The following TPD52 variants were observed in gnomAD, a reference collection of about 807,000 sequenced individuals.
TPD52 encodes the protein prostate and colon associated protein.
TPD52 carries 17 observed loss-of-function variants against 31.3 expected under a neutral mutation model. The observed-to-expected ratio is 0.54, with a 90% confidence interval of 0.37 to 0.82. The LOEUF (loss-of-function observed/expected upper bound fraction) is 0.82, where lower values mean the gene tolerates loss of function less well. Ranked by LOEUF, TPD52 falls within the 40% of genes least tolerant of loss-of-function variation. The pLI, the probability that TPD52 is intolerant of heterozygous loss-of-function variation, is 0.00. For synonymous variants in TPD52, 83 were observed against 89.6 expected, an observed-to-expected ratio of 0.93 and a Z score of 0.42; for missense variants, 212 against 240.1, an observed-to-expected ratio of 0.88 and a Z score of 0.77.
chr8:80,142,298 C>CTGTA (rs1809885590), intron 1 of TPD52, among the ~76,000 whole-genome samples: 3 of 152,130 alleles, frequency 2.0e-5, no homozygotes, highest in Non-Finnish European at 4.4e-5. Flanking sequence ...TCTCATCTAC[C>CTGTA]CCGTACCTGT....
intron 1 of TPD52, among the ~76,000 whole-genome samples, chr8:80,097,850 G>T (rs779358980): frequency 6.6e-6 from 1 of 152,228 alleles, no homozygotes; most frequent in Non-Finnish European, 1.5e-5. Flanking sequence ...AAGTTAGAGA[G>T]GAGAAGTCAA....
intron 1 of TPD52, among the ~76,000 whole-genome samples, chr8:80,165,953 T>C (rs1385131898): frequency 6.6e-6 from 1 of 152,160 alleles, no homozygotes; most frequent in East Asian, 1.9e-4. Context: ...GGGAACAAGT[T>C]AAATATTGTC....
downstream of TPD52, among the ~76,000 whole-genome samples, chr8:80,033,882 T>C (rs1431353384): frequency 2.6e-5 from 4 of 152,096 alleles, no homozygotes; most frequent in East Asian, 1.9e-4. Flanking sequence ...AATGCATTAA[T>C]AGAGTTCTCG....
intron 1 of TPD52, among the ~76,000 whole-genome samples, chr8:80,070,780 G>C (rs1813687370): frequency 6.6e-6 from 1 of 152,314 alleles, no homozygotes; most frequent in Admixed American, 6.5e-5. Context: ...GATGAGCTTT[G>C]AAATTAGATG....
intron 1 of TPD52, among the ~76,000 whole-genome samples, chr8:80,149,385 T>C (rs1810421960): frequency 6.6e-6 from 1 of 152,174 alleles, no homozygotes; most frequent in African/African-American, 2.4e-5. Context: ...TCCCCAGCCA[T>C]GTGGAACTAT....
At chr8:80,098,679 T>C (rs933310761) in intron 1 of TPD52, among the ~76,000 whole-genome samples, 3 of 152,192 alleles carry the variant, frequency 2.0e-5, no homozygotes, top group East Asian at 1.9e-4. Context: ...GTAAACACTG[T>C]TGAAATAACA....
intron 7 of TPD52, among the ~76,000 whole-genome samples, chr8:80,041,121 C>G (rs1283490042): frequency 2.0e-5 from 3 of 152,208 alleles, no homozygotes; most frequent in East Asian, 3.9e-4. Context: ...ATCCAAACAT[C>G]ACACACCAAG....
chr8:80,087,338 A>T lies in TPD52; in HGVS notation c.20-22745T>A, dbSNP rs142017068. Among the ~76,000 whole-genome samples the T allele has an allele frequency of 4.3e-4, 65 of 152,308 alleles. No individual in the cohort carries two copies. In the East Asian group the frequency reaches 8.1e-3, roughly 19 times the overall value. On this transcript the variant is annotated intron_variant, in intron 1 of 7. Coordinates refer to ENST00000518937, the MANE Select transcript of TPD52 (RefSeq NM_001025253.3). The stretch of plus-strand genomic sequence containing the variant: ...GTTGTTGGCACATATACACCATGGA[A>T]TACTATGCAGTCATAAAAAGGAACA...
At chr8:80,138,779 T>C (rs2131129495) in intron 1 of TPD52, among the ~76,000 whole-genome samples, 1 of 152,302 alleles carries the variant, frequency 6.6e-6, no homozygotes, top group South Asian at 2.1e-4. Flanking sequence ...ATTGAGAACC[T>C]GTGGCTCACC....
downstream of TPD52, among the ~76,000 whole-genome samples, chr8:80,033,597 C>T (rs963604653): frequency 2.6e-5 from 4 of 152,184 alleles, no homozygotes; most frequent in Non-Finnish European, 4.4e-5. Flanking sequence ...GCAAGCCAGC[C>T]AGGAACATGT....
chr8:80,123,709 C>T (rs1394350471), intron 1 of TPD52, among the ~76,000 whole-genome samples: 2 of 152,164 alleles, frequency 1.3e-5, no homozygotes, highest in Non-Finnish European at 2.9e-5. Flanking sequence ...AGAATTGTAG[C>T]TGAAAACTTG....
intron 1 of TPD52, among the ~76,000 whole-genome samples, chr8:80,104,206 G>A (rs1047776155): frequency 2.6e-5 from 4 of 152,276 alleles, no homozygotes; most frequent in East Asian, 3.9e-4. Flanking sequence ...TCATCTAGCC[G>A]TCAAGCTAGA....
intron 1 of TPD52, among the ~76,000 whole-genome samples, chr8:80,086,369 G>A (rs973603949): frequency 2.0e-5 from 3 of 151,424 alleles, no homozygotes; most frequent in Non-Finnish European, 4.4e-5. Context: ...CACCCGCCTC[G>A]GTCCCCCAAG....
At chr8:80,060,081 T>G (rs532876425) in intron 2 of TPD52, among the ~76,000 whole-genome samples, 4 of 127,338 alleles carry the variant, frequency 3.1e-5, no homozygotes, top group African/African-American at 1.2e-4. Context: ...CAAGACTCCA[T>G]CTCAAAAAAA....
intron 2 of TPD52, among the ~76,000 whole-genome samples, chr8:80,058,691 A>AG: frequency 1.3e-5 from 2 of 152,114 alleles, no homozygotes; most frequent in Non-Finnish European, 2.9e-5. Context: ...CCAGCTACTC[A>AG]GGAGGCTGAG....
chr8:80,164,074 A>G (rs900207650), intron 1 of TPD52, among the ~76,000 whole-genome samples: 2 of 148,616 alleles, frequency 1.3e-5, no homozygotes, highest in African/African-American at 5.0e-5. Flanking sequence ...CAGAAAGGGG[A>G]AAGGGGGGAG....
At chr8:80,122,490 G>T (rs1808325776) in intron 1 of TPD52, among the ~76,000 whole-genome samples, 2 of 152,176 alleles carry the variant, frequency 1.3e-5, no homozygotes, top group South Asian at 4.1e-4. Flanking sequence ...CATATGGACT[G>T]TATATTATGG....
chr8:80,158,713 G>C (rs1306145046), intron 1 of TPD52: 1 of 151,000 alleles, frequency 6.6e-6, no homozygotes, highest in East Asian at 1.9e-4. Flanking sequence ...AGGCCGAGGC[G>C]GGCTGATCAC....
At chr8:80,088,740 T>C (rs1263207537) in intron 1 of TPD52, among the ~76,000 whole-genome samples, 1 of 152,078 alleles carries the variant, frequency 6.6e-6, no homozygotes, top group Non-Finnish European at 1.5e-5. Context: ...TAATTAAGAT[T>C]AAACAGGGTC....
Sources: allele counts gnomAD v4.1 joint callset (sites outside exome capture counted in the v4.1 genomes callset), GRCh38; gene constraint gnomAD v4.1.1; transcripts MANE v1.5; gene names NCBI Gene and HGNC (gene_info 2026-07-23, HGNC 2026-07-21).